The following MCMDC2 variants were observed in gnomAD, a reference collection of about 807,000 sequenced individuals.
MCMDC2 encodes the protein minichromosome maintenance domain-containing protein 2.
In MCMDC2, 54 loss-of-function variants were observed where a neutral mutation model predicts 75.8. The ratio of observed to expected loss-of-function variants is 0.71; its 90% CI spans 0.57 to 0.89. MCMDC2 has a LOEUF of 0.89. Ranked by LOEUF, MCMDC2 falls within the 40% of genes least tolerant of loss-of-function variation. The probability of loss-of-function intolerance (pLI) is 0.00; values close to 1 mark genes in which losing one functional copy is unlikely to be tolerated. For missense variants in MCMDC2, 656 were observed against 780.4 expected (o/e 0.84, Z 1.90); for synonymous variants, 249 against 274.6 (o/e 0.91, Z 0.92).
chr8:66,915,717 C>G (rs1813290537), intron 14 of MCMDC2, among the ~76,000 whole-genome samples: 1 of 151,716 alleles, frequency 6.6e-6, no homozygotes, highest in Non-Finnish European at 1.5e-5. Flanking sequence ...TTAGGGATCA[C>G]CAGCATAGAG....
At chr8:66,918,674 A>G (rs1211429573) in intron 14 of MCMDC2, among the ~76,000 whole-genome samples, 1 of 152,146 alleles carries the variant, frequency 6.6e-6, no homozygotes, top group Non-Finnish European at 1.5e-5. Context: ...TATAATGACT[A>G]TTTCAGTAGA....
chr8:66,881,955 CTA>C (rs1276307257), intron 8 of MCMDC2, among the ~76,000 whole-genome samples: 2 of 152,108 alleles, frequency 1.3e-5, no homozygotes, highest in African/African-American at 2.4e-5. Context: ...CCTGAATGGG[CTA>C]TATATATTCA....
At position 66,891,010 on chromosome 8, in the gene MCMDC2, A is replaced by G; in HGVS notation, c.1219A>G (p.Ile407Val). Residue 407 changes from isoleucine to valine, a missense_variant, in exon 10 of 15, where the codon ATC becomes GTC. Ile to Val is a conservative substitution (Grantham distance 29). Coordinates refer to ENST00000422365, the MANE Select transcript of MCMDC2 (RefSeq NM_173518.5). ...CAGTGCTTTGCTAGCTAAAGGTGGTATCTGCTTTATAGGAGACTTGGCTTC... is the reference window on the plus strand; with the variant it reads ...CAGTGCTTTGCTAGCTAAAGGTGGTGTCTGCTTTATAGGAGACTTGGCTTC... Reference protein sequence around the residue: ...AGSALLAKGGICFIGDLASHK... With the variant: ...AGSALLAKGGVCFIGDLASHK... 6.2e-7 allele frequency: 1 copy of G among 1,605,200 alleles called. No homozygotes were observed. Among genetic ancestry groups the G allele is most frequent in the Non-Finnish European group, 8.5e-7 (1 of 1,178,110 alleles).
intron 8 of MCMDC2, among the ~76,000 whole-genome samples, chr8:66,883,098 G>A (rs564578828): frequency 1.3e-5 from 2 of 152,342 alleles, no homozygotes; most frequent in East Asian, 3.9e-4. Context: ...ATGCACAGCT[G>A]TTCCACCCAA....
intron 13 of MCMDC2, among the ~76,000 whole-genome samples, chr8:66,904,984 G>A (rs1429503615): frequency 3.9e-5 from 6 of 152,086 alleles, no homozygotes; most frequent in African/African-American, 1.4e-4. Context: ...TTCGGGAGGG[G>A]AGTGTGGAAT....
intron 4 of MCMDC2, among the ~76,000 whole-genome samples, chr8:66,876,032 C>CTA (rs1811267447): frequency 6.6e-6 from 1 of 152,140 alleles, no homozygotes; most frequent in Admixed American, 6.6e-5. Context: ...GATATAGTAT[C>CTA]TATTGTTGCA....
chr8:66,874,457 G>T lies in MCMDC2; in HGVS notation c.225+1G>T, dbSNP rs1251639391. The T allele has an allele frequency of 1.2e-6, 2 of 1,611,632 alleles. No homozygotes were observed. Among genetic ancestry groups the T allele is most frequent in the Non-Finnish European group, 1.7e-6 (2 of 1,179,510 alleles). On this transcript the variant is annotated splice_donor_variant, in intron 3 of 14. Transcript: ENST00000422365. LOFTEE classifies it high-confidence loss of function. ...AAAAGCTGCTGAAGTCTTTCAATCA[G>T]TAAGTCAAAAAAAGAAATAATTTTA...
Position 66,919,444 on chromosome 8 carries a change from C to G in MCMDC2, c.*275C>G. The G allele has an allele frequency of 4.5e-6, 1 of 221,360 alleles. No homozygotes were observed. Among genetic ancestry groups the G allele is most frequent in the Non-Finnish European group, 8.8e-6 (1 of 113,872 alleles). The allele number at this position is 221,360 out of a possible 1,614,324, so 13.7% of individuals were successfully genotyped here. On this transcript the variant is annotated 3_prime_UTR_variant, in exon 15 of 15. Coordinates refer to ENST00000422365, the MANE Select transcript of MCMDC2 (RefSeq NM_173518.5). Reference sequence around the variant, plus strand: ...TCAAGGAGAATACTATAAAGAAAAACCTGGTTAGCCCAGAATACCAGTGGT... The same window carrying G: ...TCAAGGAGAATACTATAAAGAAAAAGCTGGTTAGCCCAGAATACCAGTGGT...
At chr8:66,881,231 C>T (rs2130802821) in intron 8 of MCMDC2, among the ~76,000 whole-genome samples, 1 of 152,256 alleles carries the variant, frequency 6.6e-6, no homozygotes, top group South Asian at 2.1e-4. Flanking sequence ...AACTTTCTAG[C>T]ATATAGGACT....
At chr8:66,918,492 T>C (rs578106465) in intron 14 of MCMDC2, among the ~76,000 whole-genome samples, 2 of 152,310 alleles carry the variant, frequency 1.3e-5, no homozygotes, top group South Asian at 2.1e-4. Context: ...TCCATAGATT[T>C]ATGTTGTCTG....
chr8:66,871,389 T>C (rs1235763271), intron 1 of MCMDC2: 1 of 152,178 alleles, frequency 6.6e-6, no homozygotes, highest in Non-Finnish European at 1.5e-5. Flanking sequence ...CCCATACCCA[T>C]ATTAAAACCC....
chr8:66,912,898 G>A (rs113733085), intron 14 of MCMDC2, among the ~76,000 whole-genome samples: 3,088 of 151,686 alleles, frequency 0.02, 74 homozygotes, highest in South Asian at 0.044. Flanking sequence ...AAACCTGCAC[G>A]TTCTGCACAT....
chr8:66,905,277 T>C lies in MCMDC2; in HGVS notation c.1821T>C (p.Leu607=). Residue 607 remains leucine (L), a synonymous_variant, in exon 14 of 15, where the codon CTT becomes CTC. Transcript: ENST00000422365. ...HARLNLRNKV[L]KEDVLIAALL... ...GACTGAACTTAAGGAACAAAGTGCT[T>C]AAAGAAGATGTGCTGATTGCAGCCT... is the stretch of plus-strand genomic sequence containing the variant. The C allele has an allele frequency of 6.7e-7, 1 of 1,499,484 alleles. No individual in the cohort carries two copies. The highest frequency in any genetic ancestry group is 1.4e-5 in the South Asian group (1 of 71,690). 92.9% of individuals were successfully genotyped at this position (1,499,484 alleles called of 1,614,324 possible). A position where few individuals can be genotyped will look rare whatever the true frequency, so the allele number is the denominator to read the frequency against.
chr8:66,880,820 G>C (rs750244081), intron 7 of MCMDC2, 29 bp from the exon 8 acceptor site: 13 of 1,494,208 alleles, frequency 8.7e-6, no homozygotes, highest in Non-Finnish European at 1.1e-5. Context: ...TAGTGAATAT[G>C]TATTTTCTTC....
chr8:66,874,353 G>T lies in MCMDC2; in HGVS notation c.122G>T (p.Arg41Leu), dbSNP rs374567014. 1.4e-5 allele frequency: 23 copies of T among 1,612,614 alleles called. No homozygotes were observed. In the South Asian group the frequency reaches 2.2e-4, roughly 15 times the overall value. The stretch of plus-strand genomic sequence containing the variant: ...TCAAAACAAAGCTATGCTGTCTATC[G>T]ATTCAAAATTTTAATAAATCCCTCT... ...NDSKQSYAVY[R>L]FKILINPSDV... Residue 41 changes from arginine (R) to leucine (L), a missense_variant, in exon 3 of 15, where the codon CGA (arginine) becomes CTA (leucine). Arg to Leu is a moderately radical substitution (Grantham distance 102). Coordinates refer to ENST00000422365, the MANE Select transcript of MCMDC2 (RefSeq NM_173518.5).
chr8:66,902,707 AAAAAATAT>A lies in MCMDC2; in HGVS notation c.1769+1361_1769+1368del, dbSNP rs1411648303. ...GATTCTGTCTCAAAAAAAAAAAAAA[AAAAAATAT>A]ATATATATATATATATATATATATA... On this transcript the variant is annotated intron_variant, in intron 13 of 14. Coordinates refer to ENST00000422365, the MANE Select transcript of MCMDC2 (RefSeq NM_173518.5). Among the ~76,000 whole-genome samples the A allele has an allele frequency of 8.1e-3, 977 of 120,786 alleles. 4 individuals are homozygous for A. Among genetic ancestry groups the A allele is most frequent in the Admixed American group, 0.015 (182 of 11,760 alleles). The allele number at this position is 120,786 out of a possible 152,430, so 79.2% of individuals were successfully genotyped here. A position where few individuals can be genotyped will look rare whatever the true frequency, so the allele number is the denominator to read the frequency against.
rs898430668 is a variant in MCMDC2, at chr8:66,905,306, T to G, written c.1850T>G (p.Leu617Arg). Reference sequence around the variant, plus strand: ...GAAGATGTGCTGATTGCAGCCTTACTATTTGAAACATCCCTCACATTGAAA... The same window carrying G: ...GAAGATGTGCTGATTGCAGCCTTACGATTTGAAACATCCCTCACATTGAAA... ...LKEDVLIAALLFETSLTLKYG... is the reference protein window; with the variant it reads ...LKEDVLIAALRFETSLTLKYG... The change falls in exon 14 of 15, where the codon CTA (leucine) becomes CGA (arginine). Residue 617 changes from leucine (L) to arginine (R), a missense_variant. Coordinates refer to ENST00000422365, the MANE Select transcript of MCMDC2 (RefSeq NM_173518.5). The G allele has an allele frequency of 2.0e-6, 3 of 1,485,708 alleles. No individual in the cohort carries two copies. The highest frequency in any genetic ancestry group is 2.7e-6 in the Non-Finnish European group (3 of 1,113,576). 92.0% of individuals were successfully genotyped at this position (1,485,708 alleles called of 1,614,324 possible).
intron 14 of MCMDC2, among the ~76,000 whole-genome samples, chr8:66,913,924 A>G (rs1008191926): frequency 8.9e-5 from 13 of 145,854 alleles, no homozygotes; most frequent in African/African-American, 3.1e-4. Flanking sequence ...AGATCGTACC[A>G]CTGCCCTCCA....
chr8:66,874,011 CTTATTAGAGA>C, intron 1 of MCMDC2, 32 bp from the exon 2 acceptor site: 1 of 617,812 alleles, frequency 1.6e-6, no homozygotes, highest in East Asian at 3.2e-5. Flanking sequence ...TTTGTAAAGT[CTTATTAGAGA>C]TTTTCAAAAA....
Sources: gnomAD v4.1 joint callset for allele counts (sites outside exome capture counted in the v4.1 genomes callset) on GRCh38, gnomAD v4.1.1 for gene constraint, MANE v1.5 for transcripts, NCBI Gene and HGNC (gene_info 2026-07-23, HGNC 2026-07-21) for gene names.